BOLL: variants seen among roughly 807,000 people sequenced by gnomAD.
The protein encoded by BOLL is boule RNA binding protein.
Under a neutral mutation model 44.4 loss-of-function variants are expected in BOLL, and 23 were observed. That is an observed-to-expected ratio of 0.52 (90% confidence interval 0.37 to 0.73). The LOEUF is 0.73. Among genes scored for constraint, BOLL ranks in the 30% least tolerant of loss-of-function variants. The pLI, the probability that BOLL is intolerant of heterozygous loss-of-function variation, is 0.00. For missense variants in BOLL, 287 were observed against 338.3 expected (o/e 0.85, Z 1.19); for synonymous variants, 97 against 110.8 (o/e 0.88, Z 0.78).
At chr2:197,729,929 G>T (rs1190165858) in intron 10 of BOLL, among the ~76,000 whole-genome samples, 1 of 152,164 alleles carries the variant, frequency 6.6e-6, no homozygotes, top group African/African-American at 2.4e-5. Flanking sequence ...AAGGAACGCA[G>T]TTCCTCACCA....
chr2:197,734,721 A>T (rs955689093), intron 10 of BOLL, among the ~76,000 whole-genome samples: 1 of 152,130 alleles, frequency 6.6e-6, no homozygotes, highest in Non-Finnish European at 1.5e-5. Context: ...AAAAAACCAA[A>T]CACCGCATGT....
At chr2:197,774,889 A>G (rs1689438251) in intron 5 of BOLL, 1 of 151,960 alleles carries the variant, frequency 6.6e-6, no homozygotes, top group African/African-American at 2.4e-5. Context: ...AGTCAAAAGC[A>G]TAACAGTCCA....
intron 6 of BOLL, among the ~76,000 whole-genome samples, chr2:197,767,533 CT>C: frequency 6.6e-6 from 1 of 151,818 alleles, no homozygotes; most frequent in Non-Finnish European, 1.5e-5. Context: ...AATTCCATAC[CT>C]TTTTATGATT....
intron 10 of BOLL, among the ~76,000 whole-genome samples, chr2:197,732,610 C>G (rs1025354924): frequency 4.6e-5 from 7 of 151,006 alleles, no homozygotes; most frequent in Admixed American, 2.0e-4. Flanking sequence ...AGCTTATCCA[C>G]CATGATCAAG....
chr2:197,779,932 CT>C (rs1323962850), intron 2 of BOLL, among the ~76,000 whole-genome samples: 1 of 151,904 alleles, frequency 6.6e-6, no homozygotes, highest in Non-Finnish European at 1.5e-5. Context: ...AGAGCTATGC[CT>C]TTTGAGTTCA....
chr2:197,738,380 A>G (rs1203837462), intron 10 of BOLL, among the ~76,000 whole-genome samples: 1 of 152,148 alleles, frequency 6.6e-6, no homozygotes, highest in Admixed American at 6.6e-5. Flanking sequence ...CACCTGGCCT[A>G]AAACTTGATT....
At chr2:197,749,019 A>G (rs1034535707) in intron 9 of BOLL, among the ~76,000 whole-genome samples, 12 of 152,234 alleles carry the variant, frequency 7.9e-5, no homozygotes, top group African/African-American at 2.7e-4. Flanking sequence ...TCCCTCTGGG[A>G]CGAAGCTTCC....
rs1409373607 is a variant in BOLL at position 197,733,499 on chromosome 2, G to A, written c.829-4921C>T. The stretch of plus-strand genomic sequence containing the variant: ...ATGGAACCAAAAAAGAGCCCGCATC[G>A]CCAAGTCAATCCTAAGCCAAAAGAA... On this transcript the variant is annotated intron_variant, in intron 10 of 10. Transcript: ENST00000392296. 7.6e-4 allele frequency among the ~76,000 whole-genome samples: 115 copies of A among 151,450 alleles called. 1 individual carries two copies. Among genetic ancestry groups the A allele is most frequent in the African/African-American group, 2.5e-3 (105 of 41,296 alleles).
chr2:197,729,900 G>C lies in BOLL; in HGVS notation c.829-1322C>G, dbSNP rs535979004. ...GAAAAACTGGAAACTCTAAAAAGCAGAGTGTCTCTCCTCCTCCAAAGGAAC... is the reference window on the plus strand; with the variant it reads ...GAAAAACTGGAAACTCTAAAAAGCACAGTGTCTCTCCTCCTCCAAAGGAAC... On this transcript the variant is annotated intron_variant, in intron 10 of 10. Coordinates refer to ENST00000392296, the MANE Select transcript of BOLL (RefSeq NM_033030.6). Among the ~76,000 whole-genome samples, 890 of 152,212 alleles carry C rather than the reference G, an allele frequency of 5.8e-3. 3 individuals are homozygous for C. Among genetic ancestry groups the C allele is most frequent in the African/African-American group, 0.02 (832 of 41,486 alleles).
At chr2:197,734,526 A>G (rs921977067) in intron 10 of BOLL, among the ~76,000 whole-genome samples, 1 of 152,204 alleles carries the variant, frequency 6.6e-6, no homozygotes, top group Non-Finnish European at 1.5e-5. Context: ...TTATCACGGC[A>G]CTATTCACAA....
At chr2:197,769,207 T>C (rs994118106) in intron 6 of BOLL, among the ~76,000 whole-genome samples, 1 of 152,114 alleles carries the variant, frequency 6.6e-6, no homozygotes, top group Non-Finnish European at 1.5e-5. Context: ...TCTCTTTATC[T>C]ATTGATTGAA....
chr2:197,780,137 C>T (rs1279379894), intron 2 of BOLL, among the ~76,000 whole-genome samples: 2 of 151,962 alleles, frequency 1.3e-5, no homozygotes, highest in African/African-American at 4.8e-5. Context: ...TCCAACTATT[C>T]TCTGGTAGAA....
At chr2:197,756,676 A>T in intron 8 of BOLL, 120 bp from the exon 9 acceptor site, 1 of 906,662 alleles carries the variant, frequency 1.1e-6, no homozygotes, top group Non-Finnish European at 1.6e-6. Context: ...TTTTTTTAGG[A>T]ATAGCACAGA....
intron 4 of BOLL, 76 bp from the exon 5 acceptor site, chr2:197,775,816 A>G: frequency 3.4e-6 from 3 of 871,506 alleles, no homozygotes; most frequent in Non-Finnish European, 3.3e-6. Flanking sequence ...AAAACTAGTT[A>G]GAAAGAATTT....
At position 197,785,194 on chromosome 2, in the gene BOLL, CT is replaced by C; in HGVS notation, c.-155del. On this transcript the variant is annotated 5_prime_UTR_variant, in exon 1 of 11. Transcript: ENST00000392296. This position sits in a 1 kb window ranked among gnomAD's most constrained non-coding sequence, Gnocchi z 6.7. ...GGGCACCGAAACGAGGATCCACCCC[CT>C]CCCCACCAAAGTGCGGGAGGGAAAA... The C allele has an allele frequency of 1.0e-6, 1 of 985,998 alleles. No homozygotes were observed. The highest frequency in any genetic ancestry group is 4.7e-5 in the South Asian group (1 of 21,292). 61.1% of individuals were successfully genotyped at this position (985,998 alleles called of 1,614,324 possible). A position where few individuals can be genotyped will look rare whatever the true frequency, so the allele number is the denominator to read the frequency against.
chr2:197,729,990 AG>A (rs1687077833), intron 10 of BOLL, among the ~76,000 whole-genome samples: 1 of 151,848 alleles, frequency 6.6e-6, no homozygotes, highest in East Asian at 1.9e-4. Flanking sequence ...TGAGAGAAGA[AG>A]GCTTCAGACG....
chr2:197,776,936 A>G (rs2106385897), intron 4 of BOLL, 123 bp downstream of exon 4: 1 of 685,562 alleles, frequency 1.5e-6, no homozygotes, highest in Non-Finnish European at 2.3e-6. Context: ...CTAGAGACCA[A>G]TGCCAATCTT....
In BOLL at chr2:197,756,459, G is replaced by A. The variant is rs1395970693; in HGVS notation, c.698C>T (p.Pro233Leu). The A allele has an allele frequency of 1.2e-6, 2 of 1,611,746 alleles. No homozygotes were observed. Among genetic ancestry groups the A allele is most frequent in the South Asian group, 2.2e-5 (2 of 90,862 alleles). Residue 233 changes from proline to leucine, a missense_variant, in exon 9 of 11, where the codon CCA becomes CTA. Pro to Leu is a moderately conservative substitution (Grantham distance 98). Coordinates refer to ENST00000392296, the MANE Select transcript of BOLL (RefSeq NM_033030.6). The part of the protein sequence containing the change: ...IAQDGGCVPP[P>L]LSLMETSVPE... ...AACTGAAGTTTCCATCAGAGACAGT[G>A]GAGGAGGAACACATCCACCATCCTG...
intron 10 of BOLL, among the ~76,000 whole-genome samples, chr2:197,729,021 C>A (rs559749945): frequency 1.4e-4 from 21 of 152,296 alleles, no homozygotes; most frequent in African/African-American, 4.8e-4. Flanking sequence ...CCAGCGTGAG[C>A]GACGCAGAAG....
Sources: gnomAD v4.1 joint callset for allele counts (sites outside exome capture counted in the v4.1 genomes callset) on GRCh38, gnomAD v4.1.1 for gene constraint, Gnocchi (gnomAD v3.1) non-coding constraint, MANE v1.5 for transcripts, NCBI Gene and HGNC (gene_info 2026-07-23, HGNC 2026-07-21) for gene names.